Variants in QTMAN observed in about 807,000 individuals in gnomAD.
The protein encoded by QTMAN is queuosine-tRNA mannosyltransferase.
chr2:144,261,932 T>G, the QTMAN span, among the ~76,000 whole-genome samples: 1 of 152,068 alleles, frequency 6.6e-6, no homozygotes, highest in East Asian at 1.9e-4. Context: ...AACTGATCCA[T>G]TTAAGTAACT....
the QTMAN span, among the ~76,000 whole-genome samples, chr2:144,118,880 C>T: frequency 5.3e-5 from 8 of 151,914 alleles, no homozygotes; most frequent in Admixed American, 5.2e-4. Context: ...GACTTCATCT[C>T]AAAATAAATA....
the QTMAN span, among the ~76,000 whole-genome samples, chr2:143,986,944 A>T: frequency 6.6e-6 from 1 of 152,228 alleles, no homozygotes; most frequent in Non-Finnish European, 1.5e-5. Flanking sequence ...ATATCAAACA[A>T]AAGGAAGTTT....
At chr2:144,327,043 C>A in the QTMAN span, among the ~76,000 whole-genome samples, 71 of 152,272 alleles carry the variant, frequency 4.7e-4, 1 homozygote, top group South Asian at 8.9e-3. Flanking sequence ...CCTTCTCCTG[C>A]CCCAAGACAG....
At chr2:144,100,635 T>A in the QTMAN span, among the ~76,000 whole-genome samples, 2 of 152,134 alleles carry the variant, frequency 1.3e-5, no homozygotes, top group Admixed American at 1.3e-4. Context: ...ATGTTATCAA[T>A]ATATTCTGAA....
the QTMAN span, among the ~76,000 whole-genome samples, chr2:144,325,742 C>G: frequency 6.6e-6 from 1 of 152,204 alleles, no homozygotes; most frequent in Admixed American, 6.5e-5. Flanking sequence ...TATACACACA[C>G]TCCACTACCA....
the QTMAN span, among the ~76,000 whole-genome samples, chr2:144,051,914 T>C: frequency 1.3e-5 from 2 of 152,200 alleles, no homozygotes; most frequent in African/African-American, 4.8e-5. Context: ...GAGAAACAGG[T>C]TCAACTTTAC....
the QTMAN span, among the ~76,000 whole-genome samples, chr2:144,306,611 G>A: frequency 5.3e-5 from 8 of 152,028 alleles, no homozygotes; most frequent in South Asian, 2.1e-4. Context: ...GAGTTAGCAC[G>A]TCAACCTAAA....
chr2:144,133,134 T>C, the QTMAN span, among the ~76,000 whole-genome samples: 3,214 of 47,976 alleles, frequency 0.067, 373 homozygotes, highest in African/African-American at 0.22. Flanking sequence ...TATATATATA[T>C]ATATATATAT....
the QTMAN span, among the ~76,000 whole-genome samples, chr2:144,305,362 C>T: frequency 6.6e-6 from 1 of 152,122 alleles, no homozygotes; most frequent in African/African-American, 2.4e-5. Flanking sequence ...AAAGACTATT[C>T]TTTCTTTATT....
chr2:143,941,763 T>C, the QTMAN span: 4 of 151,468 alleles, frequency 2.6e-5, no homozygotes, highest in East Asian at 5.8e-4. Context: ...AATAACCACC[T>C]CCACTGTCCT....
At chr2:144,286,239 C>T in the QTMAN span, among the ~76,000 whole-genome samples, 9 of 152,116 alleles carry the variant, frequency 5.9e-5, no homozygotes, top group Non-Finnish European at 1.2e-4. Flanking sequence ...CCAAATGAAC[C>T]CTTCCAAATT....
At chr2:144,149,017 G>A in the QTMAN span, among the ~76,000 whole-genome samples, 8 of 151,946 alleles carry the variant, frequency 5.3e-5, no homozygotes, top group Admixed American at 5.3e-4. Flanking sequence ...CACCCAAAAA[G>A]AAGTAATGAA....
chr2:144,311,245 C>G, the QTMAN span, among the ~76,000 whole-genome samples: 3 of 152,180 alleles, frequency 2.0e-5, no homozygotes, highest in African/African-American at 7.2e-5. Flanking sequence ...AAAACAATCA[C>G]TTGTTATGAA....
chr2:143,985,450 T>C, the QTMAN span, among the ~76,000 whole-genome samples: 16 of 152,228 alleles, frequency 1.1e-4, no homozygotes, highest in Non-Finnish European at 4.4e-5. Context: ...ACAAGTACAT[T>C]GGCTGGTACA....
chr2:144,212,908 G>C, the QTMAN span, among the ~76,000 whole-genome samples: 1 of 152,132 alleles, frequency 6.6e-6, no homozygotes, highest in Non-Finnish European at 1.5e-5. Context: ...ATAAGTCAAA[G>C]TGATAGCTGT....
At chr2:144,301,968 A>T in the QTMAN span, among the ~76,000 whole-genome samples, 1 of 152,242 alleles carries the variant, frequency 6.6e-6, no homozygotes, top group Admixed American at 6.5e-5. Flanking sequence ...AACTTTCATT[A>T]TCTGAAGGAC....
chr2:144,201,589 G>T, the QTMAN span, among the ~76,000 whole-genome samples: 1 of 152,124 alleles, frequency 6.6e-6, no homozygotes, highest in African/African-American at 2.4e-5. Context: ...ATCAACAAAG[G>T]GTTCACTAAG....
At chr2:144,332,523 C>CGCGGCCGCCGCGGAT in the QTMAN span, 1 of 147,862 alleles carries the variant, frequency 6.8e-6, no homozygotes, top group Non-Finnish European at 1.5e-5. Context: ...GCCCCTCCCC[C>CGCGGCCGCCGCGGAT]GCGGCCGCCG....
the QTMAN span, among the ~76,000 whole-genome samples, chr2:144,090,577 C>T: frequency 0.014 from 2,095 of 151,744 alleles, 47 homozygotes; most frequent in African/African-American, 0.048. Context: ...GGGCAAGGAA[C>T]AGTCAGAAAC....
Sources: gnomAD v4.1 joint callset for allele counts (sites outside exome capture counted in the v4.1 genomes callset) on GRCh38, gnomAD v4.1.1 for gene constraint, MANE v1.5 for transcripts, NCBI Gene and HGNC (gene_info 2026-07-23, HGNC 2026-07-21) for gene names.